Variants in GPD1L observed in about 807,000 individuals in gnomAD.
The protein encoded by GPD1L is glycerol-3-phosphate dehydrogenase 1-like protein.
A neutral mutation model predicts 32.9 loss-of-function variants in GPD1L; 17 were observed. The observed-to-expected ratio is 0.52, with a 90% CI of 0.35 to 0.78. GPD1L has a LOEUF of 0.78. Among genes scored for constraint, GPD1L ranks in the 30% least tolerant of loss-of-function variants. The pLI, the probability that GPD1L is intolerant of heterozygous loss-of-function variation, is 0.01. For synonymous variants in GPD1L, 187 were observed against 165.9 expected (o/e 1.13, Z -0.98); for missense variants, 361 against 447.8 (o/e 0.81, Z 1.75).
At chr3:32,141,569 T>C (rs1700744637) in intron 4 of GPD1L, among the ~76,000 whole-genome samples, 1 of 152,022 alleles carries the variant, frequency 6.6e-6, no homozygotes, top group Admixed American at 6.6e-5. Flanking sequence ...TTTTGAAAAA[T>C]AATATTTGTT....
At position 32,166,020 on chromosome 3, in the gene GPD1L, G is replaced by T. The variant is rs1337594586; in HGVS notation, c.*110G>T. On this transcript the variant is annotated 3_prime_UTR_variant, in exon 8 of 8. Transcript: ENST00000282541. ...GATGTTTGACTGTAATCTCATCACG[G>T]ATATGTATGAATTTTTACAGGTTCG... The T allele has an allele frequency of 1.8e-5, 13 of 734,238 alleles. No individual in the cohort carries two copies. The highest frequency in any genetic ancestry group is 3.3e-5 in the Non-Finnish European group (13 of 397,776). 45.5% of individuals were successfully genotyped at this position (734,238 alleles called of 1,614,324 possible).
chr3:32,146,189 C>T (rs1035762185), intron 4 of GPD1L, among the ~76,000 whole-genome samples: 13 of 150,950 alleles, frequency 8.6e-5, no homozygotes, highest in Admixed American at 4.0e-4. Context: ...TGGGTTCAAG[C>T]GATGCTCCTG....
chr3:32,107,275 C>A (rs1700178103), intron 1 of GPD1L, among the ~76,000 whole-genome samples: 1 of 152,146 alleles, frequency 6.6e-6, no homozygotes, highest in Non-Finnish European at 1.5e-5. Context: ...TCTGATAGGT[C>A]CACTATCTTA....
intron 2 of GPD1L, among the ~76,000 whole-genome samples, chr3:32,135,611 C>T (rs562459327): frequency 9.2e-5 from 14 of 152,188 alleles, no homozygotes; most frequent in Admixed American, 4.6e-4. Flanking sequence ...CACCACCACA[C>T]CTGGCTAATT....
chr3:32,143,753 G>A lies in GPD1L; in HGVS notation c.506-2869G>A, dbSNP rs113943911. Among the ~76,000 whole-genome samples, 684 of 152,006 alleles carry A rather than the reference G, an allele frequency of 4.5e-3. 2 individuals are homozygous for A. Among genetic ancestry groups the A allele is most frequent in the Non-Finnish European group, 7.0e-3 (474 of 67,954 alleles). ...AGCACTTTGGGAGGCTGAGGCGGGC[G>A]GATCACCTGAAGTTAGGAGTTTGAG... On this transcript the variant is annotated intron_variant, in intron 4 of 7. Coordinates refer to ENST00000282541, the MANE Select transcript of GPD1L (RefSeq NM_015141.4).
At chr3:32,117,819 G>A (rs138475471) in intron 1 of GPD1L, among the ~76,000 whole-genome samples, 2 of 152,172 alleles carry the variant, frequency 1.3e-5, no homozygotes, top group African/African-American at 2.4e-5. Flanking sequence ...CCTGTGTGTT[G>A]TTCTCCTGAG....
chr3:32,146,539 G>A, intron 4 of GPD1L, 83 bp from the exon 5 acceptor site: 1 of 814,742 alleles, frequency 1.2e-6, no homozygotes, highest in Non-Finnish European at 2.2e-6. Flanking sequence ...ATAGTAAGTA[G>A]AAACTTATTT....
At position 32,168,022 on chromosome 3, in the gene GPD1L, AAGTAGCATAATGAGATGTGAGG is replaced by A. The variant is rs1288410190; in HGVS notation, c.*2116_*2137del. On this transcript the variant is annotated 3_prime_UTR_variant, in exon 8 of 8. Coordinates refer to ENST00000282541, the MANE Select transcript of GPD1L (RefSeq NM_015141.4). Reference sequence around the variant, plus strand: ...CTGTAAGCTAATTGTGGTGTCTAGTAAGTAGCATAATGAGATGTGAGGAGTTGGAACTTTGCGTGTTTTGCGT... The same window carrying A: ...CTGTAAGCTAATTGTGGTGTCTAGTAAGTTGGAACTTTGCGTGTTTTGCGT... 1 of 152,214 alleles carries A rather than the reference AAGTAGCATAATGAGATGTGAGG, an allele frequency of 6.6e-6. No individual in the cohort carries two copies. Among genetic ancestry groups the A allele is most frequent in the Admixed American group, 6.5e-5 (1 of 15,284 alleles). 9.4% of individuals were successfully genotyped at this position (152,214 alleles called of 1,614,324 possible). A position where few individuals can be genotyped will look rare whatever the true frequency, so the allele number is the denominator to read the frequency against.
At chr3:32,121,577 A>ATATATATTTC (rs1258482396) in intron 1 of GPD1L, among the ~76,000 whole-genome samples, 11 of 104,484 alleles carry the variant, frequency 1.1e-4, no homozygotes, top group Non-Finnish European at 1.4e-4. Flanking sequence ...ATATATTTCT[A>ATATATATTTC]TATATATATT....
intron 7 of GPD1L, among the ~76,000 whole-genome samples, chr3:32,163,161 C>CTTTTTTTTTTTTTTT (rs34385950): frequency 1.3e-5 from 1 of 78,060 alleles, no homozygotes; most frequent in African/African-American, 5.2e-5. Flanking sequence ...CTGGTTTGTC[C>CTTTTTTTTTTTTTTT]TTTTTTTTTT....
intron 5 of GPD1L, among the ~76,000 whole-genome samples, chr3:32,147,147 T>C (rs1700842196): frequency 6.6e-6 from 1 of 152,234 alleles, no homozygotes; most frequent in African/African-American, 2.4e-5. Context: ...TGGTTGTTCT[T>C]ATTAAGGGAA....
rs370791007 is a variant in GPD1L at position 32,106,974 on chromosome 3, G to A, written c.47+216G>A. ...GCGCTGGGCTCGCGTGCGTGCGGGG[G>A]ACAGCGCGGAGAGAGGGCACCCCGA... On this transcript the variant is annotated intron_variant, in intron 1 of 7. Coordinates refer to ENST00000282541, the MANE Select transcript of GPD1L (RefSeq NM_015141.4). This position sits in a 1 kb window ranked among gnomAD's most constrained non-coding sequence, Gnocchi z 4.0. Among the ~76,000 whole-genome samples, 1 of 152,188 alleles carries A rather than the reference G, an allele frequency of 6.6e-6. No homozygotes were observed. The highest frequency in any genetic ancestry group is 1.9e-4 in the East Asian group (1 of 5,174).
At chr3:32,159,766 G>T in intron 7 of GPD1L, 92 bp downstream of exon 7, 1 of 807,890 alleles carries the variant, frequency 1.2e-6, no homozygotes, top group South Asian at 1.4e-5. Context: ...TAGACTATTT[G>T]ACAAGTGCCC....
Position 32,106,834 on chromosome 3 carries a change from C to G in GPD1L, c.47+76C>G. ...TCCCGGGCGGTGAGGGCTGCGCGCC[C>G]CATGCTGCGGCGTGGGCACCGGGCA... On this transcript the variant is annotated intron_variant, in intron 1 of 7. Coordinates refer to ENST00000282541, the MANE Select transcript of GPD1L (RefSeq NM_015141.4). The surrounding 1 kb of genome is among the most constrained non-coding windows in gnomAD (Gnocchi z 4.0). 2 of 1,388,794 alleles carry G rather than the reference C, an allele frequency of 1.4e-6. No homozygotes were observed. Among genetic ancestry groups the G allele is most frequent in the Non-Finnish European group, 1.9e-6 (2 of 1,038,684 alleles). The allele number at this position is 1,388,794 out of a possible 1,614,324, so 86.0% of individuals were successfully genotyped here.
chr3:32,149,391 A>G (rs1700878491), intron 5 of GPD1L, among the ~76,000 whole-genome samples: 1 of 152,168 alleles, frequency 6.6e-6, no homozygotes, highest in South Asian at 2.1e-4. Flanking sequence ...TACGTTAACA[A>G]TCTTTAGTAA....
chr3:32,152,502 C>T (rs980538723), intron 5 of GPD1L, among the ~76,000 whole-genome samples: 6 of 152,074 alleles, frequency 3.9e-5, no homozygotes, highest in Admixed American at 6.5e-5. Context: ...CCAAGTGGCA[C>T]CTTGAATGCT....
intron 7 of GPD1L, among the ~76,000 whole-genome samples, chr3:32,164,516 C>T (rs1342968462): frequency 6.6e-6 from 1 of 152,176 alleles, no homozygotes; most frequent in Admixed American, 6.5e-5. Flanking sequence ...CCACCATTTG[C>T]CAAGTGTGTA....
intron 4 of GPD1L, among the ~76,000 whole-genome samples, chr3:32,144,642 G>A (rs1272337166): frequency 6.6e-6 from 1 of 152,036 alleles, no homozygotes; most frequent in African/African-American, 2.4e-5. Context: ...GATGCCCTGA[G>A]TCCCTGCTTG....
chr3:32,152,480 G>A (rs1057095387), intron 5 of GPD1L, among the ~76,000 whole-genome samples: 19 of 152,230 alleles, frequency 1.2e-4, no homozygotes, highest in South Asian at 8.3e-4. Context: ...TCTCATGAGG[G>A]CACGGTCTGT....
Sources: gnomAD v4.1 joint callset for allele counts (sites outside exome capture counted in the v4.1 genomes callset) on GRCh38, gnomAD v4.1.1 for gene constraint, Gnocchi (gnomAD v3.1) non-coding constraint, MANE v1.5 for transcripts, NCBI Gene and HGNC (gene_info 2026-07-23, HGNC 2026-07-21) for gene names.